Variants in CLVS1 observed in about 807,000 individuals in gnomAD.
CLVS1 encodes the protein clavesin 1.
Under a neutral mutation model 33.1 loss-of-function variants are expected in CLVS1, and 10 were observed. The observed-to-expected ratio is 0.30, with a 90% CI of 0.19 to 0.51. The LOEUF (loss-of-function observed/expected upper bound fraction) is 0.51, where lower values mean the gene tolerates loss of function less well. Ranked by LOEUF, CLVS1 falls within the 20% of genes least tolerant of loss-of-function variation. The pLI is 0.97. For missense variants in CLVS1, 343 were observed against 433.4 expected (o/e 0.79, Z 1.85); for synonymous variants, 163 against 166.1 (o/e 0.98, Z 0.14).
At chr8:61,429,818 T>A (rs991003249) in intron 3 of CLVS1, among the ~76,000 whole-genome samples, 1 of 152,212 alleles carries the variant, frequency 6.6e-6, no homozygotes, top group Admixed American at 6.5e-5. Flanking sequence ...ATAAAAAGCA[T>A]GAAAGCCACT....
chr8:61,498,658 G>A (rs1254842334), intron 5 of CLVS1, among the ~76,000 whole-genome samples: 1 of 152,188 alleles, frequency 6.6e-6, no homozygotes, highest in Non-Finnish European at 1.5e-5. Flanking sequence ...TGCAATAGTG[G>A]TTGGTCATAA....
intron 3 of CLVS1, among the ~76,000 whole-genome samples, chr8:61,383,677 G>C (rs1458818436): frequency 1.3e-5 from 2 of 152,208 alleles, no homozygotes; most frequent in Admixed American, 1.3e-4. Flanking sequence ...AACTCAGGAA[G>C]ATAATTAGGG....
the CLVS1 span, among the ~76,000 whole-genome samples, chr8:61,006,223 G>C: frequency 6.6e-6 from 1 of 152,218 alleles, no homozygotes; most frequent in Non-Finnish European, 1.5e-5. Context: ...TGCATCAGAA[G>C]GGTAATGGCC....
the CLVS1 span, among the ~76,000 whole-genome samples, chr8:61,037,652 A>G: frequency 6.6e-6 from 1 of 152,234 alleles, no homozygotes; most frequent in Non-Finnish European, 1.5e-5. Flanking sequence ...TTGATAGCAG[A>G]ACACTTGCTT....
intron 1 of CLVS1, among the ~76,000 whole-genome samples, chr8:61,088,358 C>T (rs779995214): frequency 1.7e-4 from 26 of 151,970 alleles, no homozygotes; most frequent in East Asian, 3.9e-4. Context: ...GGCATGGTGA[C>T]GCTCACCTGT....
intron 2 of CLVS1, among the ~76,000 whole-genome samples, chr8:61,356,222 G>A (rs1464520254): frequency 6.6e-6 from 1 of 152,112 alleles, no homozygotes; most frequent in Admixed American, 6.6e-5. Flanking sequence ...CTTTTGAGAA[G>A]TGTCTGTTCA....
the CLVS1 span, among the ~76,000 whole-genome samples, chr8:60,983,397 G>A: frequency 1.8e-4 from 28 of 152,294 alleles, no homozygotes; most frequent in South Asian, 5.4e-3. Context: ...GCACTGCATT[G>A]TTTGTTGAGT....
intron 2 of CLVS1, among the ~76,000 whole-genome samples, chr8:61,166,784 A>G (rs1411331301): frequency 2.6e-5 from 4 of 152,038 alleles, no homozygotes; most frequent in East Asian, 1.9e-4. Context: ...CTGTTTGCCC[A>G]GCTAAAACCT....
chr8:61,170,030 T>G (rs1806960371), intron 2 of CLVS1, among the ~76,000 whole-genome samples: 1 of 152,156 alleles, frequency 6.6e-6, no homozygotes. Flanking sequence ...CTGCACACAT[T>G]TAAAGTGTAC....
chr8:60,967,319 A>G, the CLVS1 span, among the ~76,000 whole-genome samples: 39 of 152,346 alleles, frequency 2.6e-4, no homozygotes, highest in East Asian at 1.9e-3. Context: ...AGACATACAC[A>G]AAGAGGTGCA....
At chr8:61,296,033 C>T (rs1460398149) in intron 1 of CLVS1, among the ~76,000 whole-genome samples, 1 of 152,126 alleles carries the variant, frequency 6.6e-6, no homozygotes, top group Non-Finnish European at 1.5e-5. Context: ...AGAACCAAGT[C>T]CTTTATGTGA....
At chr8:61,325,184 A>T (rs1811338289) in intron 2 of CLVS1, among the ~76,000 whole-genome samples, 1 of 151,898 alleles carries the variant, frequency 6.6e-6, no homozygotes. Context: ...TTCCTTAAGA[A>T]ATAACCTATG....
intron 2 of CLVS1, among the ~76,000 whole-genome samples, chr8:61,358,888 A>AT (rs1050870359): frequency 6.6e-6 from 1 of 151,998 alleles, no homozygotes; most frequent in Non-Finnish European, 1.5e-5. Flanking sequence ...TTAAATGTAT[A>AT]TTTTTTCTGT....
In CLVS1 at chr8:61,460,753, C is replaced by T. The variant is rs544032730; in HGVS notation, c.977+2211C>T. Among the ~76,000 whole-genome samples the T allele has an allele frequency of 3.9e-5, 6 of 152,300 alleles. No individual in the cohort carries two copies. The South Asian group carries it at 8.3e-4, about 21-fold the overall frequency. ...AGCAAGCAAAATGCTTGGACCAGCC[C>T]AAAGAACTGTTGCCAAGACCTTTGC... On this transcript the variant is annotated intron_variant, in intron 5 of 5. Transcript: ENST00000325897.
chr8:61,497,556 T>C (rs2640241), intron 5 of CLVS1, among the ~76,000 whole-genome samples: 111,647 of 151,572 alleles, frequency 0.74, 43,009 homozygotes, highest in Non-Finnish European at 0.86. Context: ...ACTTACTTAC[T>C]CAAAGTTAGT....
At chr8:61,119,461 C>T (rs1032802457) in intron 1 of CLVS1, among the ~76,000 whole-genome samples, 1 of 147,870 alleles carries the variant, frequency 6.8e-6, no homozygotes, top group African/African-American at 2.5e-5. Context: ...CAGTTTCTTC[C>T]TAGTCTCGAT....
At chr8:61,477,976 C>A (rs1818020107) in intron 5 of CLVS1, among the ~76,000 whole-genome samples, 2 of 149,022 alleles carry the variant, frequency 1.3e-5, no homozygotes, top group South Asian at 4.2e-4. Context: ...TTGAATGTGT[C>A]CCTCTACACA....
intron 2 of CLVS1, among the ~76,000 whole-genome samples, chr8:61,347,848 C>T (rs1233075755): frequency 1.3e-5 from 2 of 151,140 alleles, no homozygotes; most frequent in Admixed American, 1.3e-4. Context: ...AAGGACCCTA[C>T]CTACTGTTTT....
chr8:61,335,365 T>A (rs1344289342), intron 2 of CLVS1, among the ~76,000 whole-genome samples: 1 of 152,242 alleles, frequency 6.6e-6, no homozygotes, highest in Non-Finnish European at 1.5e-5. Context: ...TAGTTCAGCC[T>A]CTACCCAGGA....
Sources: gnomAD v4.1 joint callset for allele counts (sites outside exome capture counted in the v4.1 genomes callset) on GRCh38, gnomAD v4.1.1 for gene constraint, MANE v1.5 for transcripts, NCBI Gene and HGNC (gene_info 2026-07-23, HGNC 2026-07-21) for gene names.